Variants in NHERF1 observed in about 807,000 individuals in gnomAD.
NHERF1 encodes the protein NHERF family PDZ scaffold protein 1, also known as Na(+)/H(+) exchange regulatory cofactor NHE-RF1.
chr17:74,755,793 A>G, the NHERF1 span, among the ~76,000 whole-genome samples: 1 of 152,204 alleles, frequency 6.6e-6, no homozygotes, highest in Non-Finnish European at 1.5e-5. Context: ...GCTGGTCCAC[A>G]TGCAGACGTG....
chr17:74,760,159 G>A, the NHERF1 span, among the ~76,000 whole-genome samples: 1 of 152,088 alleles, frequency 6.6e-6, no homozygotes, highest in Admixed American at 6.5e-5. This position sits in a 1 kb window ranked among gnomAD's most constrained non-coding sequence, Gnocchi z 4.5. Context: ...GGAGGGATTA[G>A]CTCTAGGGGA....
chr17:74,758,441 G>A, the NHERF1 span, among the ~76,000 whole-genome samples: 67 of 152,186 alleles, frequency 4.4e-4, no homozygotes, highest in Non-Finnish European at 9.0e-4. This position sits in a 1 kb window ranked among gnomAD's most constrained non-coding sequence, Gnocchi z 4.3. Context: ...GTCCAGCCCT[G>A]GGTCACCCCG....
At chr17:74,768,559 TG>T in the NHERF1 span, 1 of 1,614,104 alleles carries the variant, frequency 6.2e-7, no homozygotes, top group Non-Finnish European at 8.5e-7. Context: ...AACATCTCCC[TG>T]GCCATGGCCA....
At chr17:74,755,439 A>G in the NHERF1 span, among the ~76,000 whole-genome samples, 1 of 152,124 alleles carries the variant, frequency 6.6e-6, no homozygotes, top group East Asian at 1.9e-4. Flanking sequence ...CCTTCCCCTC[A>G]TGGTAGGACA....
the NHERF1 span, chr17:74,763,567 A>G: frequency 5.2e-6 from 8 of 1,549,498 alleles, no homozygotes; most frequent in East Asian, 4.8e-5. Context: ...GAGCCCCCCA[A>G]GTCAGGGATG....
chr17:74,754,725 T>C, the NHERF1 span, among the ~76,000 whole-genome samples: 8 of 152,174 alleles, frequency 5.3e-5, no homozygotes, highest in Admixed American at 3.3e-4. Flanking sequence ...GTAATCCACC[T>C]GCCTCGGTCT....
the NHERF1 span, among the ~76,000 whole-genome samples, chr17:74,758,120 G>A: frequency 2.0e-5 from 3 of 152,250 alleles, no homozygotes; most frequent in African/African-American, 7.2e-5. The surrounding 1 kb of genome is among the most constrained non-coding windows in gnomAD (Gnocchi z 4.3). Context: ...AGGAGGAGCA[G>A]GGAGCGGCCC....
chr17:74,760,765 G>C, the NHERF1 span, among the ~76,000 whole-genome samples: 1 of 152,218 alleles, frequency 6.6e-6, no homozygotes, highest in East Asian at 1.9e-4. The surrounding 1 kb of genome is among the most constrained non-coding windows in gnomAD (Gnocchi z 4.5). Flanking sequence ...GTTAGAAAGT[G>C]TTTAAGTCAA....
the NHERF1 span, among the ~76,000 whole-genome samples, chr17:74,753,974 G>GTCTTTTTA: frequency 1.3e-5 from 2 of 152,036 alleles, no homozygotes; most frequent in African/African-American, 4.8e-5. Flanking sequence ...GACCAGCCTG[G>GTCTTTTTA]CCAACATGGT....
chr17:74,756,273 CT>C, the NHERF1 span, among the ~76,000 whole-genome samples: 115 of 72,014 alleles, frequency 1.6e-3, no homozygotes, highest in African/African-American at 3.5e-3. Flanking sequence ...TTCTTTCTTT[CT>C]TTTTTTTTTT....
At chr17:74,761,995 C>G in the NHERF1 span, 1 of 1,613,432 alleles carries the variant, frequency 6.2e-7, no homozygotes, top group Non-Finnish European at 8.5e-7. The surrounding 1 kb of genome is among the most constrained non-coding windows in gnomAD (Gnocchi z 4.3). Flanking sequence ...GCCATGGACC[C>G]TCCCCTGTCC....
At chr17:74,756,134 A>G in the NHERF1 span, among the ~76,000 whole-genome samples, 1 of 151,376 alleles carries the variant, frequency 6.6e-6, no homozygotes, top group Non-Finnish European at 1.5e-5. Flanking sequence ...TTTTTAGTAG[A>G]GATAGGGTTT....
chr17:74,758,242 G>C, the NHERF1 span, among the ~76,000 whole-genome samples: 1 of 152,230 alleles, frequency 6.6e-6, no homozygotes, highest in African/African-American at 2.4e-5. This position sits in a 1 kb window ranked among gnomAD's most constrained non-coding sequence, Gnocchi z 4.3. Flanking sequence ...CCGCTCCCTG[G>C]ACTGCGTGGG....
the NHERF1 span, chr17:74,749,215 G>GGCC: frequency 3.3e-6 from 5 of 1,525,198 alleles, no homozygotes; most frequent in African/African-American, 6.9e-5. This position sits in a 1 kb window ranked among gnomAD's most constrained non-coding sequence, Gnocchi z 5.6. Flanking sequence ...CCGAGCCGCC[G>GGCC]GCCGCCGCCG....
the NHERF1 span, chr17:74,749,373 G>A: frequency 1.6e-6 from 2 of 1,287,182 alleles, no homozygotes; most frequent in Non-Finnish European, 2.1e-6. This position sits in a 1 kb window ranked among gnomAD's most constrained non-coding sequence, Gnocchi z 5.6. Flanking sequence ...CCAGCCCCGC[G>A]CCCGCCGTCG....
chr17:74,763,392 A>G, the NHERF1 span: 1 of 1,614,074 alleles, frequency 6.2e-7, no homozygotes, highest in Non-Finnish European at 8.5e-7. Flanking sequence ...ATGGAGGGGA[A>G]GCAGCATGGG....
At chr17:74,748,867 C>G in the NHERF1 span, 1 of 1,594,848 alleles carries the variant, frequency 6.3e-7, no homozygotes, top group Non-Finnish European at 8.5e-7. This position sits in a 1 kb window ranked among gnomAD's most constrained non-coding sequence, Gnocchi z 4.3. Flanking sequence ...ACGCAGCGGC[C>G]GGGGCGCCCC....
At chr17:74,764,868 A>G in the NHERF1 span, among the ~76,000 whole-genome samples, 1 of 152,210 alleles carries the variant, frequency 6.6e-6, no homozygotes, top group Non-Finnish European at 1.5e-5. This position sits in a 1 kb window ranked among gnomAD's most constrained non-coding sequence, Gnocchi z 4.9. Flanking sequence ...GGGAGGGGAC[A>G]GTGAGTGACC....
the NHERF1 span, chr17:74,748,927 C>G: frequency 3.1e-6 from 5 of 1,603,078 alleles, no homozygotes; most frequent in Non-Finnish European, 4.2e-6. This position sits in a 1 kb window ranked among gnomAD's most constrained non-coding sequence, Gnocchi z 4.3. Context: ...ACGGCTTCCA[C>G]CTGCACGGGG....
Sources: gnomAD v4.1 joint callset for allele counts (sites outside exome capture counted in the v4.1 genomes callset) on GRCh38, gnomAD v4.1.1 for gene constraint, Gnocchi (gnomAD v3.1) non-coding constraint, MANE v1.5 for transcripts, NCBI Gene and HGNC (gene_info 2026-07-23, HGNC 2026-07-21) for gene names.